The following ANKMY1 variants were observed in gnomAD, a reference collection of about 807,000 sequenced individuals.
The protein encoded by ANKMY1 is ankyrin repeat and MYND domain containing 1.
In ANKMY1, 98 loss-of-function variants were observed where a neutral mutation model predicts 102.0. The observed-to-expected ratio is 0.96, with a 90% CI of 0.82 to 1.14. The LOEUF (loss-of-function observed/expected upper bound fraction) is 1.14. ANKMY1 is among the 50% of genes most tolerant of loss of function. The pLI is 0.00. For synonymous variants in ANKMY1, 582 were observed against 559.9 expected (o/e 1.04, Z -0.56); for missense variants, 1,330 against 1,347.6 (o/e 0.99, Z 0.20).
Position 240,481,059 on chromosome 2 carries a change from G to C in ANKMY1, c.2924C>G (p.Ser975Cys). The C allele has an allele frequency of 6.2e-7, 1 of 1,613,434 alleles. No individual in the cohort carries two copies. The highest frequency in any genetic ancestry group is 8.5e-7 in the Non-Finnish European group (1 of 1,179,502). ...GCAGGGCAAGAGGCGGACCCCGATGGAGCGGCCACACTGGTAGCAGAACTT... is the reference window on the plus strand; with the variant it reads ...GCAGGGCAAGAGGCGGACCCCGATGCAGCGGCCACACTGGTAGCAGAACTT... ...FFKFCYQCGR[S>C]IGVRLLPCPR... The change falls in exon 17 of 18, where the codon TCC becomes TGC. Residue 975 changes from serine (S) to cysteine (C), a missense_variant. Coordinates refer to ENST00000401804, the MANE Select transcript of ANKMY1 (RefSeq NM_001282771.3).
intron 9 of ANKMY1, among the ~76,000 whole-genome samples, chr2:240,516,359 T>C (rs1388473238): frequency 2.0e-5 from 3 of 152,180 alleles, no homozygotes; most frequent in Admixed American, 6.5e-5. Flanking sequence ...TAGAGAGACA[T>C]ATTAGGCTTA....
intron 15 of ANKMY1, among the ~76,000 whole-genome samples, chr2:240,492,558 TTC>T (rs1229190806): frequency 1.3e-5 from 2 of 152,228 alleles, no homozygotes; most frequent in African/African-American, 4.8e-5. Context: ...GTTCCAGAAT[TTC>T]TGTTTGGTTA....
intron 5 of ANKMY1, 108 bp from the exon 6 acceptor site, chr2:240,526,553 G>T: frequency 6.6e-7 from 1 of 1,523,538 alleles, no homozygotes; most frequent in South Asian, 1.3e-5. Flanking sequence ...TTGTGGCTCA[G>T]CCCCCCACTG....
intron 4 of ANKMY1, among the ~76,000 whole-genome samples, chr2:240,551,152 G>GTT (rs55960881): frequency 1.6e-3 from 226 of 143,334 alleles, no homozygotes; most frequent in Non-Finnish European, 2.4e-3. Context: ...TGCTTTTTAT[G>GTT]TTTTTTTTTT....
At chr2:240,515,842 C>T (rs545200759) in intron 9 of ANKMY1, among the ~76,000 whole-genome samples, 7 of 151,846 alleles carry the variant, frequency 4.6e-5, no homozygotes, top group South Asian at 4.2e-4. Context: ...CTCAGCCTCC[C>T]GAGTAGCTGG....
rs759154622 is a variant in ANKMY1, at chr2:240,507,621, A to C, written c.2465T>G (p.Leu822Arg). 3 of 1,611,786 alleles carry C rather than the reference A, an allele frequency of 1.9e-6. No homozygotes were observed. The highest frequency in any genetic ancestry group is 2.5e-6 in the Non-Finnish European group (3 of 1,178,958). The part of the protein sequence containing the change: ...LPLTKGLGSA[L>R]CVACDLTYEH... ...GTAGGTCAGGTCACAGGCAACACAC[A>C]GGGCACTGCCCAAGCCTTTGGTCAG... The change falls in exon 13 of 18, where the codon CTG (leucine) becomes CGG (arginine). Residue 822 changes from leucine (L) to arginine (R), a missense_variant. Leu to Arg is a moderately radical substitution (Grantham distance 102). Transcript: ENST00000401804.
At chr2:240,548,549 A>G (rs2090894575) in intron 4 of ANKMY1, among the ~76,000 whole-genome samples, 1 of 151,956 alleles carries the variant, frequency 6.6e-6, no homozygotes, top group Non-Finnish European at 1.5e-5. Flanking sequence ...AAGGGTATTC[A>G]ATTAGGAAAA....
chr2:240,487,188 G>A (rs1218912500), intron 15 of ANKMY1, among the ~76,000 whole-genome samples: 2 of 152,094 alleles, frequency 1.3e-5, no homozygotes, highest in Non-Finnish European at 2.9e-5. Flanking sequence ...ACCTCCATGT[G>A]TTCAAAATGT....
At chr2:240,493,312 G>A (rs1261152084) in intron 15 of ANKMY1, among the ~76,000 whole-genome samples, 4 of 152,118 alleles carry the variant, frequency 2.6e-5, no homozygotes, top group Non-Finnish European at 4.4e-5. Context: ...GGGTGACAGA[G>A]TGAGACTCCA....
chr2:240,492,625 T>C (rs1159251431), intron 15 of ANKMY1, among the ~76,000 whole-genome samples: 2 of 152,264 alleles, frequency 1.3e-5, no homozygotes, highest in African/African-American at 4.8e-5. Context: ...ATTGTTTTTC[T>C]AATTTATTTG....
intron 4 of ANKMY1, among the ~76,000 whole-genome samples, chr2:240,542,708 A>G (rs973194102): frequency 3.6e-5 from 4 of 111,208 alleles, no homozygotes; most frequent in African/African-American, 1.2e-4. Flanking sequence ...ACATGTCTAG[A>G]TATGTTTATA....
chr2:240,555,179 C>T lies in ANKMY1; in HGVS notation c.147-124G>A, dbSNP rs992252302. 101 of 991,638 alleles carry T rather than the reference C, an allele frequency of 1.0e-4. 1 individual carries two copies. The highest frequency in any genetic ancestry group is 3.1e-4 in the South Asian group (20 of 64,298). 61.4% of individuals were successfully genotyped at this position (991,638 alleles called of 1,614,324 possible). A position where few individuals can be genotyped will look rare whatever the true frequency, so the allele number is the denominator to read the frequency against. ...CATCCCACAGTCCCGGGGCAGGTGC[C>T]GCTGCATCCCCACTCCACTTGGAGA... On this transcript the variant is annotated intron_variant, in intron 2 of 17. Coordinates refer to ENST00000401804, the MANE Select transcript of ANKMY1 (RefSeq NM_001282771.3).
downstream of ANKMY1, among the ~76,000 whole-genome samples, chr2:240,475,931 G>C (rs936268804): frequency 6.6e-6 from 1 of 152,048 alleles, no homozygotes; most frequent in Non-Finnish European, 1.5e-5. Context: ...ACCCAAAGCA[G>C]TTTACAAACT....
intron 13 of ANKMY1, among the ~76,000 whole-genome samples, 185 bp from the exon 14 acceptor site, chr2:240,500,750 G>A (rs1357424674): frequency 6.6e-6 from 1 of 152,226 alleles, no homozygotes; most frequent in Non-Finnish European, 1.5e-5. Flanking sequence ...TCAAGGACAA[G>A]GAGTTGGGGC....
At chr2:240,531,311 C>A (rs2085336310) in intron 4 of ANKMY1, among the ~76,000 whole-genome samples, 1 of 152,204 alleles carries the variant, frequency 6.6e-6, no homozygotes, top group African/African-American at 2.4e-5. Context: ...GGCACAGTCG[C>A]TTTGAATGAC....
chr2:240,475,050 A>G (rs1389786750), downstream of ANKMY1, among the ~76,000 whole-genome samples: 1 of 152,214 alleles, frequency 6.6e-6, no homozygotes. Context: ...AGCAATGCAT[A>G]TGCATTCCCT....
rs535115436 is a variant in ANKMY1 at position 240,519,554 on chromosome 2, G to A, written c.2004+808C>T. 1.2e-4 allele frequency among the ~76,000 whole-genome samples: 19 copies of A among 152,236 alleles called. No individual in the cohort carries two copies. The South Asian group carries it at 3.9e-3, about 32-fold the overall frequency. ...GAGAGGAGGAGCAGTCATGGGCAGC[G>A]ACCGATTCCATTCCAGAGCAGTGGA... On this transcript the variant is annotated intron_variant, in intron 9 of 17. Coordinates refer to ENST00000401804, the MANE Select transcript of ANKMY1 (RefSeq NM_001282771.3).
At chr2:240,543,670 G>C (rs2089582471) in intron 4 of ANKMY1, among the ~76,000 whole-genome samples, 1 of 151,910 alleles carries the variant, frequency 6.6e-6, no homozygotes, top group African/African-American at 2.4e-5. Context: ...TTATAAAATG[G>C]TTAACAAGGA....
chr2:240,470,133 G>T, the ANKMY1 span, among the ~76,000 whole-genome samples: 1 of 152,218 alleles, frequency 6.6e-6, no homozygotes, highest in Admixed American at 6.5e-5. Flanking sequence ...TGGGGACAAG[G>T]CCCTCTGTCG....
Sources: gnomAD v4.1 joint callset for allele counts (sites outside exome capture counted in the v4.1 genomes callset) on GRCh38, gnomAD v4.1.1 for gene constraint, MANE v1.5 for transcripts, NCBI Gene and HGNC (gene_info 2026-07-23, HGNC 2026-07-21) for gene names.